Variants in BMPR2 observed in about 807,000 individuals in gnomAD.
BMPR2 encodes the protein bone morphogenetic protein receptor type-2.
A neutral mutation model predicts 100.8 loss-of-function variants in BMPR2; 29 were observed. The observed-to-expected ratio is 0.29, with a 90% confidence interval of 0.21 to 0.39. The LOEUF is 0.39. Ranked by LOEUF, BMPR2 falls within the 10% of genes least tolerant of loss-of-function variation. BMPR2 has a pLI of 1.00. For missense variants in BMPR2, 1,011 were observed against 1,274.5 expected (o/e 0.79, Z 3.15); for synonymous variants, 382 against 442.3 (o/e 0.86, Z 1.71).
chr2:202,497,345 G>A (rs146936708), intron 3 of BMPR2, among the ~76,000 whole-genome samples: 3,716 of 152,294 alleles, frequency 0.024, 77 homozygotes, highest in Middle Eastern at 0.051. Flanking sequence ...GACCCCTTTC[G>A]CTTGCTATTC....
At chr2:202,416,326 G>T (rs982498062) in intron 1 of BMPR2, among the ~76,000 whole-genome samples, 1 of 151,450 alleles carries the variant, frequency 6.6e-6, no homozygotes, top group African/African-American at 2.4e-5. Context: ...GTGCAATGGC[G>T]TGGTCACAGC....
intron 11 of BMPR2, among the ~76,000 whole-genome samples, chr2:202,554,533 T>C (rs1688530007): frequency 6.6e-6 from 1 of 152,218 alleles, no homozygotes; most frequent in South Asian, 2.1e-4. Flanking sequence ...CAATTTTTTT[T>C]TCTTCTTTTC....
In BMPR2 at chr2:202,472,490, C is replaced by A. The variant is rs554413077; in HGVS notation, c.418+4801C>A. On this transcript the variant is annotated intron_variant, in intron 3 of 12. Transcript: ENST00000374580. ...CCTGGCTACCAAGGTGAAACCCCATCTCTACTAAAAATACAAAAATTAGCC... is the reference window on the plus strand; with the variant it reads ...CCTGGCTACCAAGGTGAAACCCCATATCTACTAAAAATACAAAAATTAGCC... Among the ~76,000 whole-genome samples, 4 of 152,278 alleles carry A rather than the reference C, an allele frequency of 2.6e-5. No homozygotes were observed. In the South Asian group the frequency reaches 8.3e-4, roughly 32 times the overall value.
At chr2:202,401,216 C>G (rs966281799) in intron 1 of BMPR2, among the ~76,000 whole-genome samples, 2 of 152,180 alleles carry the variant, frequency 1.3e-5, no homozygotes, top group Non-Finnish European at 2.9e-5. Flanking sequence ...CCAACAGTAC[C>G]TCACATCTCA....
chr2:202,533,894 A>G (rs1688074509), intron 9 of BMPR2, among the ~76,000 whole-genome samples: 1 of 152,212 alleles, frequency 6.6e-6, no homozygotes, highest in Non-Finnish European at 1.5e-5. Context: ...AAATGAATTT[A>G]TAGTTTTCCC....
chr2:202,544,717 A>G (rs770947792), intron 10 of BMPR2, among the ~76,000 whole-genome samples: 38 of 151,410 alleles, frequency 2.5e-4, no homozygotes, highest in African/African-American at 9.0e-4. Context: ...TGAAAATTCA[A>G]AAGTTTCTTA....
chr2:202,518,789 A>G (rs1429112599), intron 5 of BMPR2, 33 bp from the exon 6 acceptor site: 1 of 1,544,006 alleles, frequency 6.5e-7, no homozygotes, highest in East Asian at 2.2e-5. Flanking sequence ...CAATTGTGAT[A>G]TTAATACCTT....
chr2:202,416,768 G>A (rs1338096587), intron 1 of BMPR2, among the ~76,000 whole-genome samples: 2 of 151,974 alleles, frequency 1.3e-5, no homozygotes. Context: ...TGTTTCTTGA[G>A]GTGGAATCTA....
At chr2:202,450,161 G>A (rs976714153) in intron 1 of BMPR2, among the ~76,000 whole-genome samples, 22 of 152,196 alleles carry the variant, frequency 1.4e-4, no homozygotes, top group African/African-American at 5.1e-4. Context: ...CCTTGAGTAC[G>A]ACTTTGTGCT....
rs201036315 is a variant in BMPR2 at position 202,431,685 on chromosome 2, CAT to C, written c.77-33122_77-33121del. On this transcript the variant is annotated intron_variant, in intron 1 of 12. Coordinates refer to ENST00000374580, the MANE Select transcript of BMPR2 (RefSeq NM_001204.7). Reference sequence around the variant, plus strand: ...CCTACAATATTCAGTAGTATAGTAACATAGAGTACAGGTTTGTAACCTAGGAG... The same window carrying C: ...CCTACAATATTCAGTAGTATAGTAACAGAGTACAGGTTTGTAACCTAGGAG... Among the ~76,000 whole-genome samples, 972 of 150,394 alleles carry C rather than the reference CAT, an allele frequency of 6.5e-3. 101 individuals are homozygous for C. Among genetic ancestry groups the C allele is most frequent in the African/African-American group, 0.023 (929 of 39,824 alleles).
At chr2:202,491,083 G>A (rs1014659378) in intron 3 of BMPR2, among the ~76,000 whole-genome samples, 10 of 151,684 alleles carry the variant, frequency 6.6e-5, no homozygotes, top group East Asian at 5.9e-4. Context: ...CACTATGCCC[G>A]GCTAATTTTT....
Position 202,542,984 on chromosome 2 carries a change from C to G in BMPR2, c.1413+537C>G, listed in dbSNP as rs552330188. ...CTGAGCTCAGGAGTTCGCGACCAGC[C>G]TGGGCAACATGGTGAAACCCCACCT... On this transcript the variant is annotated intron_variant, in intron 10 of 12. Transcript: ENST00000374580. Among the ~76,000 whole-genome samples the G allele has an allele frequency of 2.3e-3, 354 of 151,792 alleles. 1 individual carries two copies. The highest frequency in any genetic ancestry group is 8.0e-3 in the African/African-American group (333 of 41,438).
At chr2:202,403,260 C>T (rs1319402036) in intron 1 of BMPR2, among the ~76,000 whole-genome samples, 1 of 126,802 alleles carries the variant, frequency 7.9e-6, no homozygotes, top group Non-Finnish European at 1.6e-5. Context: ...AGTGCAGTGG[C>T]GTCATCTTGG....
At chr2:202,484,666 C>CT (rs1692735098) in intron 3 of BMPR2, among the ~76,000 whole-genome samples, 1 of 138,786 alleles carries the variant, frequency 7.2e-6, no homozygotes, top group Non-Finnish European at 1.5e-5. Context: ...CAGCGAGACT[C>CT]TGTCTCAAAA....
chr2:202,507,699 C>CT (rs34200763), intron 3 of BMPR2, among the ~76,000 whole-genome samples: 4,364 of 142,068 alleles, frequency 0.031, 201 homozygotes, highest in African/African-American at 0.11. Flanking sequence ...CTTTTTTCAT[C>CT]TTTTTTTTTT....
intron 3 of BMPR2, among the ~76,000 whole-genome samples, chr2:202,507,235 A>G (rs567659547): frequency 6.6e-6 from 1 of 152,140 alleles, no homozygotes; most frequent in Admixed American, 6.5e-5. Flanking sequence ...TTTTAAATCC[A>G]TTTAGTTTCC....
intron 1 of BMPR2, among the ~76,000 whole-genome samples, chr2:202,420,118 T>G (rs893226699): frequency 1.3e-5 from 2 of 152,156 alleles, no homozygotes; most frequent in African/African-American, 4.8e-5. Flanking sequence ...CCTCTAGAGT[T>G]ATAATTGAAT....
intron 2 of BMPR2, among the ~76,000 whole-genome samples, chr2:202,465,585 G>T (rs1037732289): frequency 1.3e-5 from 2 of 152,166 alleles, no homozygotes; most frequent in Admixed American, 1.3e-4. Context: ...CTGGCCGGGC[G>T]TGGTGGCTCA....
chr2:202,377,209 C>G lies in BMPR2; in HGVS notation c.-266C>G, dbSNP rs1295757546. On this transcript the variant is annotated 5_prime_UTR_variant, in exon 1 of 13. Transcript: ENST00000374580. ...CTTGGCTCCCTGCTTTCCCCACAGA[C>G]ATGCCTTCCGTTTGGAGGGCCGCGG... 1.7e-6 allele frequency: 1 copy of G among 603,378 alleles called. No individual in the cohort carries two copies. The highest frequency in any genetic ancestry group is 3.0e-6 in the Non-Finnish European group (1 of 337,330). 37.4% of individuals were successfully genotyped at this position (603,378 alleles called of 1,614,324 possible). A position where few individuals can be genotyped will look rare whatever the true frequency, so the allele number is the denominator to read the frequency against.
Sources: gnomAD v4.1 joint callset for allele counts (sites outside exome capture counted in the v4.1 genomes callset) on GRCh38, gnomAD v4.1.1 for gene constraint, MANE v1.5 for transcripts, NCBI Gene and HGNC (gene_info 2026-07-23, HGNC 2026-07-21) for gene names.